The following CA10 variants were observed in gnomAD, a reference collection of about 807,000 sequenced individuals.
The protein encoded by CA10 is carbonic anhydrase 10 (inactive).
Under a neutral mutation model 44.2 loss-of-function variants are expected in CA10, and 14 were observed. The observed-to-expected ratio is 0.32, with a 90% CI of 0.21 to 0.50. The LOEUF is 0.50. Among genes scored for constraint, CA10 ranks in the 20% least tolerant of loss-of-function variants. The pLI is 0.99. For synonymous variants in CA10, 159 were observed against 141.6 expected (o/e 1.12, Z -0.87); for missense variants, 350 against 409.7 (o/e 0.85, Z 1.26).
intron 3 of CA10, among the ~76,000 whole-genome samples, chr17:51,916,442 T>G (rs1218015816): frequency 6.6e-6 from 1 of 152,184 alleles, no homozygotes; most frequent in Non-Finnish European, 1.5e-5. Context: ...GAGACGGATC[T>G]GGTGGGAGGT....
intron 4 of CA10, among the ~76,000 whole-genome samples, chr17:51,655,338 C>G (rs965366274): frequency 1.3e-5 from 2 of 152,156 alleles, no homozygotes; most frequent in African/African-American, 2.4e-5. Context: ...TTTCCACAGG[C>G]TGATTTGAGA....
chr17:51,786,048 CTAGG>C (rs1318474180), intron 3 of CA10, among the ~76,000 whole-genome samples: 2 of 151,944 alleles, frequency 1.3e-5, no homozygotes, highest in African/African-American at 4.8e-5. Context: ...ATTTAAATTC[CTAGG>C]TATTTAATTT....
chr17:51,808,413 T>A (rs949331088), intron 3 of CA10, among the ~76,000 whole-genome samples: 13 of 152,230 alleles, frequency 8.5e-5, no homozygotes, highest in African/African-American at 2.7e-4. Flanking sequence ...CTTTTAGCAG[T>A]ACGTATAGCT....
intron 1 of CA10, among the ~76,000 whole-genome samples, chr17:52,098,361 G>T (rs1287762460): frequency 6.6e-6 from 1 of 152,202 alleles, no homozygotes; most frequent in Non-Finnish European, 1.5e-5. Flanking sequence ...CTGAGATTCT[G>T]TATTTCTAAC....
At chr17:51,833,062 C>T (rs572892172) in intron 3 of CA10, among the ~76,000 whole-genome samples, 9 of 152,282 alleles carry the variant, frequency 5.9e-5, no homozygotes, top group Non-Finnish European at 1.3e-4. Context: ...GAGGCCCTTC[C>T]AGCTGAGAGG....
chr17:52,013,262 G>A (rs559851970), intron 2 of CA10, among the ~76,000 whole-genome samples: 1 of 151,892 alleles, frequency 6.6e-6, no homozygotes, highest in South Asian at 2.1e-4. Flanking sequence ...AATTGATAAT[G>A]TATGCTGTAA....
At chr17:51,752,386 G>T (rs1400948948) in intron 3 of CA10, among the ~76,000 whole-genome samples, 1 of 151,784 alleles carries the variant, frequency 6.6e-6, no homozygotes. Flanking sequence ...AAGCTGCAGG[G>T]GATATCCAGG....
rs531920655 is a variant in CA10 at position 51,794,004 on chromosome 17, T to G, written c.280-46186A>C. Reference sequence around the variant, plus strand: ...AAATGGTGACTGTGGGACCCACCTCTGCAAAGTCAACAGATGCCAGGTAGG... The same window carrying G: ...AAATGGTGACTGTGGGACCCACCTCGGCAAAGTCAACAGATGCCAGGTAGG... On this transcript the variant is annotated intron_variant, in intron 3 of 8. Coordinates refer to ENST00000451037, the MANE Select transcript of CA10 (RefSeq NM_020178.5). Among the ~76,000 whole-genome samples, 3 of 152,326 alleles carry G rather than the reference T, an allele frequency of 2.0e-5. No homozygotes were observed. The East Asian group carries it at 5.8e-4, about 29-fold the overall frequency.
At chr17:52,095,652 G>C (rs886703691) in intron 1 of CA10, among the ~76,000 whole-genome samples, 1 of 152,130 alleles carries the variant, frequency 6.6e-6, no homozygotes, top group Admixed American at 6.5e-5. Flanking sequence ...CCCTTTATCA[G>C]ATAATAAAAC....
chr17:51,643,806 C>T (rs531512476), intron 6 of CA10, among the ~76,000 whole-genome samples: 9 of 152,306 alleles, frequency 5.9e-5, no homozygotes, highest in East Asian at 1.9e-4. Context: ...TAGAAATACA[C>T]GTTCATTTTA....
At chr17:52,024,162 G>T (rs1023563212) in intron 2 of CA10, among the ~76,000 whole-genome samples, 1 of 151,992 alleles carries the variant, frequency 6.6e-6, no homozygotes, top group Non-Finnish European at 1.5e-5. Flanking sequence ...ATCATTTTAT[G>T]CACATTATCT....
chr17:52,029,717 T>C (rs1567708709), intron 2 of CA10, among the ~76,000 whole-genome samples: 2 of 152,200 alleles, frequency 1.3e-5, no homozygotes, highest in Non-Finnish European at 2.9e-5. Context: ...ACAGTCACCT[T>C]GAGCTTGACT....
At chr17:51,801,830 G>A (rs1472454674) in intron 3 of CA10, among the ~76,000 whole-genome samples, 6 of 152,188 alleles carry the variant, frequency 3.9e-5, no homozygotes, top group East Asian at 1.9e-4. Flanking sequence ...ATCATGGTGC[G>A]TAAGTTGTGT....
intron 3 of CA10, among the ~76,000 whole-genome samples, chr17:51,774,521 C>T (rs1023709686): frequency 6.7e-4 from 102 of 151,878 alleles, no homozygotes; most frequent in Middle Eastern, 6.8e-3. Context: ...CTCACTGCAA[C>T]CTCCACTTCC....
chr17:52,133,918 A>G (rs1989295335), intron 1 of CA10, among the ~76,000 whole-genome samples: 1 of 152,188 alleles, frequency 6.6e-6, no homozygotes, highest in Admixed American at 6.5e-5. Flanking sequence ...AAGATGCTTT[A>G]TGACTGTACA....
At chr17:52,036,378 C>T (rs1268176331) in intron 2 of CA10, among the ~76,000 whole-genome samples, 1 of 152,078 alleles carries the variant, frequency 6.6e-6, no homozygotes, top group Non-Finnish European at 1.5e-5. Context: ...ATGGTCCTTG[C>T]CTTCCAGAAG....
rs751539559 is a variant in CA10, at chr17:51,830,709, G to GGA, written c.280-82893_280-82892dup. Among the ~76,000 whole-genome samples, 4 of 152,196 alleles carry GGA rather than the reference G, an allele frequency of 2.6e-5. No individual in the cohort carries two copies. The East Asian group carries it at 7.7e-4, about 29-fold the overall frequency. ...CTGCTTACTTAACACCTGACAGAGGGGAGAGAGAGACACGAAACAGAATAC... is the reference window on the plus strand; with the variant it reads ...CTGCTTACTTAACACCTGACAGAGGGGAGAGAGAGAGACACGAAACAGAATAC... On this transcript the variant is annotated intron_variant, in intron 3 of 8. Coordinates refer to ENST00000451037, the MANE Select transcript of CA10 (RefSeq NM_020178.5).
chr17:51,777,151 T>C (rs535451461), intron 3 of CA10, among the ~76,000 whole-genome samples: 1 of 152,310 alleles, frequency 6.6e-6, no homozygotes, highest in East Asian at 1.9e-4. Flanking sequence ...ATTGTGTGAA[T>C]AGTAGTAGCA....
intron 3 of CA10, among the ~76,000 whole-genome samples, chr17:51,792,822 CTCTT>C (rs1260976096): frequency 6.6e-6 from 1 of 152,148 alleles, no homozygotes; most frequent in Non-Finnish European, 1.5e-5. Context: ...GTTTATACAG[CTCTT>C]TGTCATCTTA....
Sources: gnomAD v4.1 joint callset for allele counts (sites outside exome capture counted in the v4.1 genomes callset) on GRCh38, gnomAD v4.1.1 for gene constraint, MANE v1.5 for transcripts, NCBI Gene and HGNC (gene_info 2026-07-23, HGNC 2026-07-21) for gene names.